Variants in FBXL4 observed in about 807,000 individuals in gnomAD.
FBXL4 encodes the protein F-box/LRR-repeat protein 4.
A neutral mutation model predicts 58.9 loss-of-function variants in FBXL4; 40 were observed. The ratio of observed to expected loss-of-function variants is 0.68; its 90% CI spans 0.53 to 0.88. The LOEUF (loss-of-function observed/expected upper bound fraction) is 0.88, where lower values mean the gene tolerates loss of function less well. Ranked by LOEUF, FBXL4 falls within the 40% of genes least tolerant of loss-of-function variation. The pLI, the probability that FBXL4 is intolerant of heterozygous loss-of-function variation, is 0.00. For missense variants in FBXL4, 676 were observed against 734.4 expected, an observed-to-expected ratio of 0.92 and a Z score of 0.92; for synonymous variants, 263 against 265.5, an observed-to-expected ratio of 0.99 and a Z score of 0.09.
chr6:98,929,219 AC>A (rs1474971270), intron 2 of FBXL4, among the ~76,000 whole-genome samples: 1 of 152,242 alleles, frequency 6.6e-6, no homozygotes, highest in East Asian at 1.9e-4. Context: ...AAGCACTGAA[AC>A]ACTACTTAAA....
At chr6:98,907,366 AG>A (rs1394651188) in intron 5 of FBXL4, among the ~76,000 whole-genome samples, 1 of 152,232 alleles carries the variant, frequency 6.6e-6, no homozygotes, top group Admixed American at 6.5e-5. Context: ...GCAAGGAGGC[AG>A]GAAGAGAAAC....
intron 5 of FBXL4, among the ~76,000 whole-genome samples, chr6:98,916,427 A>T (rs1346216666): frequency 3.3e-5 from 5 of 152,116 alleles, no homozygotes; most frequent in African/African-American, 9.7e-5. Context: ...CAAATGTCCA[A>T]CAATGATAGA....
intron 1 of FBXL4, among the ~76,000 whole-genome samples, chr6:98,939,330 C>A (rs1562252717): frequency 6.6e-6 from 1 of 152,156 alleles, no homozygotes; most frequent in Non-Finnish European, 1.5e-5. Context: ...AATTATCAAA[C>A]CATCCTTTGC....
At chr6:98,945,997 G>A (rs1342763165) in intron 1 of FBXL4, among the ~76,000 whole-genome samples, 1 of 152,156 alleles carries the variant, frequency 6.6e-6, no homozygotes, top group African/African-American at 2.4e-5. Flanking sequence ...AATTTTAAAG[G>A]GGGGAGGGAG....
chr6:98,927,002 A>C lies in FBXL4; in HGVS notation c.-14T>G. On this transcript the variant is annotated 5_prime_UTR_variant, in exon 4 of 10. Coordinates refer to ENST00000369244, the MANE Select transcript of FBXL4 (RefSeq NM_001278716.2). ...GACCGGTGACATCTAGATGTGAATT[A>C]TGAAGCTTCAAAAGGTCAGGTGTCC... 6.2e-7 allele frequency: 1 copy of C among 1,607,946 alleles called. No homozygotes were observed. The highest frequency in any genetic ancestry group is 8.5e-7 in the Non-Finnish European group (1 of 1,175,808).
Position 98,872,171 on chromosome 6 carries a change from G to C in FBXL4, c.*2107C>G, listed in dbSNP as rs1486427825. ...ACCATAGTGCCTGCAGTATTTTTTG[G>C]AGTTTGCAAATGTAAAGGAAATTTC... On this transcript the variant is annotated 3_prime_UTR_variant, in exon 10 of 10. Transcript: ENST00000369244. 1 of 152,096 alleles carries C rather than the reference G, an allele frequency of 6.6e-6. No homozygotes were observed. The highest frequency in any genetic ancestry group is 1.5e-5 in the Non-Finnish European group (1 of 68,002). 9.4% of individuals were successfully genotyped at this position (152,096 alleles called of 1,614,324 possible).
chr6:98,922,454 G>T (rs887132081), intron 4 of FBXL4, among the ~76,000 whole-genome samples: 1 of 152,086 alleles, frequency 6.6e-6, no homozygotes, highest in Non-Finnish European at 1.5e-5. Context: ...CCTAAGGGAG[G>T]GATATAAAAT....
At chr6:98,906,096 C>A (rs1771798899) in intron 5 of FBXL4, among the ~76,000 whole-genome samples, 1 of 150,894 alleles carries the variant, frequency 6.6e-6, no homozygotes, top group Non-Finnish European at 1.5e-5. Context: ...AAAAGATACA[C>A]AGAATGCTAC....
At chr6:98,929,207 A>G (rs1772908058) in intron 2 of FBXL4, among the ~76,000 whole-genome samples, 1 of 152,226 alleles carries the variant, frequency 6.6e-6, no homozygotes, top group Non-Finnish European at 1.5e-5. Context: ...ATTTAAAAAT[A>G]TAAGCACTGA....
intron 4 of FBXL4, among the ~76,000 whole-genome samples, chr6:98,923,407 C>T (rs1446208324): frequency 6.6e-6 from 1 of 152,188 alleles, no homozygotes; most frequent in Non-Finnish European, 1.5e-5. Context: ...TAGTTTAGAT[C>T]TTAAGAATGT....
At chr6:98,904,655 AAAAATAACAG>A (rs1427881105) in intron 6 of FBXL4, among the ~76,000 whole-genome samples, 1 of 152,178 alleles carries the variant, frequency 6.6e-6, no homozygotes, top group Non-Finnish European at 1.5e-5. Flanking sequence ...TTCATTAATT[AAAAATAACAG>A]AAAATTTCTC....
intron 8 of FBXL4, among the ~76,000 whole-genome samples, chr6:98,879,276 G>A (rs991915746): frequency 3.9e-5 from 6 of 152,090 alleles, no homozygotes; most frequent in African/African-American, 1.4e-4. Context: ...CAATCATTTT[G>A]CTAATTCAAG....
chr6:98,932,879 G>T (rs1193095080), intron 2 of FBXL4, among the ~76,000 whole-genome samples: 4 of 144,816 alleles, frequency 2.8e-5, no homozygotes, highest in African/African-American at 1.0e-4. Flanking sequence ...ACTTGCAAAA[G>T]AGCCCACAGA....
intron 3 of FBXL4, 117 bp from the exon 4 acceptor site, chr6:98,927,177 A>T (rs892254769): frequency 1.9e-6 from 1 of 529,668 alleles, no homozygotes; most frequent in African/African-American, 1.9e-5. Context: ...AACTAAAAAA[A>T]CAAGTTTTAA....
intron 6 of FBXL4, 119 bp downstream of exon 6, chr6:98,905,307 C>T: frequency 8.3e-7 from 1 of 1,205,380 alleles, no homozygotes; most frequent in Non-Finnish European, 1.2e-6. Context: ...AATATATTTC[C>T]TTTTTATTTT....
chr6:98,909,836 G>C (rs1285820594), intron 5 of FBXL4, among the ~76,000 whole-genome samples: 2 of 152,130 alleles, frequency 1.3e-5, no homozygotes, highest in African/African-American at 4.8e-5. Context: ...ATGAGGTCTG[G>C]GTGGGATCCT....
At chr6:98,898,997 C>T (rs1771505478) in intron 7 of FBXL4, 1 of 985,300 alleles carries the variant, frequency 1.0e-6, no homozygotes, top group South Asian at 4.7e-5. Context: ...TGGCTTACCT[C>T]AACCAACGCT....
At chr6:98,899,076 A>G (rs1230058662) in intron 7 of FBXL4, 192 bp downstream of exon 7, 120 of 985,232 alleles carry the variant, frequency 1.2e-4, no homozygotes, top group Non-Finnish European at 1.4e-4. Context: ...ACATTTCCTT[A>G]TAATTTAAAA....
chr6:98,913,157 G>C (rs895535283), intron 5 of FBXL4, among the ~76,000 whole-genome samples: 2 of 152,064 alleles, frequency 1.3e-5, no homozygotes, highest in African/African-American at 4.8e-5. Context: ...TCCAATACAG[G>C]AGCACCCAGA....
Sources: gnomAD v4.1 joint callset for allele counts (sites outside exome capture counted in the v4.1 genomes callset) on GRCh38, gnomAD v4.1.1 for gene constraint, MANE v1.5 for transcripts, NCBI Gene and HGNC (gene_info 2026-07-23, HGNC 2026-07-21) for gene names.